The following GGT1 variants were observed in gnomAD, a reference collection of about 807,000 sequenced individuals.
The protein encoded by GGT1 is gamma-glutamyltransferase 1, also known as glutathione hydrolase 1 proenzyme.
Under a neutral mutation model 56.0 loss-of-function variants are expected in GGT1, and 21 were observed. That is an observed-to-expected ratio of 0.38 (90% CI 0.27 to 0.54). The LOEUF (loss-of-function observed/expected upper bound fraction) is 0.54. Ranked by LOEUF, GGT1 falls within the 20% of genes least tolerant of loss-of-function variation. GGT1 has a pLI of 0.82. For synonymous variants in GGT1, 238 were observed against 342.6 expected, an observed-to-expected ratio of 0.69 and a Z score of 3.37; for missense variants, 466 against 787.0, an observed-to-expected ratio of 0.59 and a Z score of 4.88.
chr22:24,592,908 C>T (rs530009323), upstream of GGT1: 123 of 1,280,056 alleles, frequency 9.6e-5, 1 homozygote, highest in East Asian at 3.5e-3. Flanking sequence ...CCGGCCGCCG[C>T]TCGCGGAGCG....
upstream of GGT1, among the ~76,000 whole-genome samples, chr22:24,590,587 TG>T (rs763373531): frequency 2.0e-5 from 3 of 152,078 alleles, no homozygotes; most frequent in African/African-American, 7.2e-5. Context: ...CGTCTTATGG[TG>T]GGGGGGTTTG....
chr22:24,591,086 CTCTT>C (rs142110239), upstream of GGT1, among the ~76,000 whole-genome samples: 666 of 152,338 alleles, frequency 4.4e-3, 7 homozygotes, highest in African/African-American at 0.015. Context: ...TTCAGAGGGT[CTCTT>C]TGTTTTGAGA....
chr22:24,585,602 T>G, the GGT1 span: 1 of 486,794 alleles, frequency 2.1e-6, no homozygotes, highest in Non-Finnish European at 3.7e-6. Context: ...TGTTGCTCAG[T>G]GACCCTGAGG....
the GGT1 span, chr22:24,588,970 C>G: frequency 4.9e-6 from 5 of 1,010,144 alleles, no homozygotes; most frequent in Non-Finnish European, 5.9e-6. Context: ...TCCACTGCAT[C>G]CTTTATCCAG....
Position 24,605,381 on chromosome 22 carries a change from TATAATATG to T in GGT1, c.-429+1855_-429+1862del, listed in dbSNP as rs1569048412. ...ATATGTATTATATATTATATAATAT[TATAATATG>T]TATTATATATTATATAATATTATAT... On this transcript the variant is annotated intron_variant, in intron 1 of 15. Coordinates refer to ENST00000400382, the MANE Select transcript of GGT1 (RefSeq NM_001288833.2). 4.4e-4 allele frequency among the ~76,000 whole-genome samples: 18 copies of T among 40,630 alleles called. 1 individual carries two copies. Among genetic ancestry groups the T allele is most frequent in the African/African-American group, 2.4e-3 (10 of 4,084 alleles). 26.7% of individuals were successfully genotyped at this position (40,630 alleles called of 152,430 possible).
At chr22:24,588,968 A>G in the GGT1 span, 26 of 1,007,842 alleles carry the variant, frequency 2.6e-5, no homozygotes, top group Non-Finnish European at 2.7e-5. Context: ...GCTCCACTGC[A>G]TCCTTTATCC....
chr22:24,592,089 G>C, upstream of GGT1: 1 of 350,454 alleles, frequency 2.9e-6, no homozygotes, highest in Non-Finnish European at 5.7e-6. Context: ...CTCACAGGAT[G>C]GGGCAGGTAG....
At chr22:24,624,393 T>G (rs2047619785) in intron 11 of GGT1, 1 of 985,022 alleles carries the variant, frequency 1.0e-6, no homozygotes, top group South Asian at 4.7e-5. Context: ...TATAAGACCC[T>G]GTCATATCCC....
intron 5 of GGT1, 91 bp from the exon 6 acceptor site, chr22:24,614,685 A>G: frequency 8.9e-7 from 1 of 1,120,130 alleles, no homozygotes; most frequent in Admixed American, 2.2e-5. Flanking sequence ...CTTCTCTTCC[A>G]TCCTCCTTTG....
At chr22:24,592,714 C>G, upstream of GGT1, 16 of 1,291,254 alleles carry the variant, frequency 1.2e-5, no homozygotes, top group Non-Finnish European at 1.5e-5. Context: ...GTCGCGCCCT[C>G]GGAACCCGCC....
chr22:24,604,085 T>C (rs1275941031), intron 1 of GGT1, among the ~76,000 whole-genome samples: 1 of 151,226 alleles, frequency 6.6e-6, no homozygotes, highest in Non-Finnish European at 1.5e-5. Context: ...ACTCCACGTC[T>C]GGGTAGTAAG....
intron 4 of GGT1, among the ~76,000 whole-genome samples, chr22:24,610,799 G>A (rs1323706399): frequency 7.2e-4 from 105 of 145,198 alleles, no homozygotes; most frequent in South Asian, 3.4e-3. Context: ...GGGCTCCCAG[G>A]AAGGGCCGCT....
At chr22:24,626,215 A>G (rs2047752044) in intron 11 of GGT1, among the ~76,000 whole-genome samples, 1 of 148,738 alleles carries the variant, frequency 6.7e-6, no homozygotes, top group South Asian at 2.1e-4. Context: ...GATGGTCTCG[A>G]TCTCCTGACG....
upstream of GGT1, among the ~76,000 whole-genome samples, chr22:24,590,334 G>C (rs1025826669): frequency 2.0e-5 from 3 of 152,138 alleles, no homozygotes; most frequent in African/African-American, 4.8e-5. Context: ...GTCTCACTAT[G>C]TTGCCCAGAC....
Position 24,610,341 on chromosome 22 carries a change from C to T in GGT1, c.-198C>T, listed in dbSNP as rs1212238328. 8.4e-6 allele frequency: 2 copies of T among 238,008 alleles called. No homozygotes were observed. Among genetic ancestry groups the T allele is most frequent in the African/African-American group, 4.6e-5 (2 of 43,114 alleles). The allele number at this position is 238,008 out of a possible 1,614,324, so 14.7% of individuals were successfully genotyped here. A position where few individuals can be genotyped will look rare whatever the true frequency, so the allele number is the denominator to read the frequency against. On this transcript the variant is annotated 5_prime_UTR_variant, in exon 4 of 16. Coordinates refer to ENST00000400382, the MANE Select transcript of GGT1 (RefSeq NM_001288833.2). ...TCTGGGCTGCGCGTGCTTCAGGTAA[C>T]CTCCCTTGACCTTCAGGAGAACGAG...
At chr22:24,592,945 AC>A, upstream of GGT1, 1 of 1,225,216 alleles carries the variant, frequency 8.2e-7, no homozygotes. Flanking sequence ...GAGCCACCGC[AC>A]CCGGCGCTCG....
chr22:24,628,391 G>T lies in GGT1; in HGVS notation c.1563+3G>T. 6.2e-7 allele frequency: 1 copy of T among 1,610,576 alleles called. No individual in the cohort carries two copies. On this transcript the variant is annotated splice_donor_region_variant and intron_variant, in intron 15 of 15. Transcript: ENST00000400382. The surrounding 1 kb of genome is among the most constrained non-coding windows in gnomAD (Gnocchi z 5.7). ...CAGTGGAGAGAAACATTGACCAGGTGGGCCGGGGGTTGGAGAAACTGAGTC... is the reference window on the plus strand; with the variant it reads ...CAGTGGAGAGAAACATTGACCAGGTTGGCCGGGGGTTGGAGAAACTGAGTC...
rs4049881 is a variant in GGT1, at chr22:24,614,779, T to C, written c.168T>C (p.Asp56=). The C allele has an allele frequency of 0.011, 17,852 of 1,613,382 alleles. 1,328 individuals are homozygous for C. The African/African-American group carries it at 0.18, about 16-fold the overall frequency. ...GCCTTTATGTGCCACATGGCAGGGATGCACTGCGGGACGGTGGCTCTGCGG... is the reference window on the plus strand; with the variant it reads ...GCCTTTATGTGCCACATGGCAGGGACGCACTGCGGGACGGTGGCTCTGCGG... ...DAKQCSKIGR[D]ALRDGGSAVD... is the part of the protein sequence containing the mutation. The change falls in exon 6 of 16, where the codon GAT becomes GAC. Residue 56 remains aspartate (D), a synonymous_variant. Coordinates refer to ENST00000400382, the MANE Select transcript of GGT1 (RefSeq NM_001288833.2).
At chr22:24,619,638 G>A (rs2047288194) in intron 7 of GGT1, among the ~76,000 whole-genome samples, 1 of 152,168 alleles carries the variant, frequency 6.6e-6, no homozygotes, top group South Asian at 2.1e-4. Flanking sequence ...GGGACAGGAC[G>A]GAGGTTAAGG....
Sources: allele counts gnomAD v4.1 joint callset (sites outside exome capture counted in the v4.1 genomes callset), GRCh38; gene constraint gnomAD v4.1.1; non-coding constraint Gnocchi (gnomAD v3.1); transcripts MANE v1.5; gene names NCBI Gene and HGNC (gene_info 2026-07-23, HGNC 2026-07-21).